The following YWHAZ variants were observed in gnomAD, a reference collection of about 807,000 sequenced individuals.
YWHAZ encodes the protein 14-3-3 protein zeta/delta.
For missense variants in YWHAZ, 79 were observed against 284.8 expected (o/e 0.28, Z 5.20); for synonymous variants, 87 against 103.6 (o/e 0.84, Z 0.97).
At chr8:100,921,625 G>A (rs1344542589) in intron 5 of YWHAZ, among the ~76,000 whole-genome samples, 2 of 152,180 alleles carry the variant, frequency 1.3e-5, no homozygotes, top group Non-Finnish European at 2.9e-5. Flanking sequence ...TCAGGTTGGT[G>A]CAAAAGTAAT....
rs532715410 is a variant in YWHAZ at position 100,950,661 on chromosome 8, G to C, written c.-12+1268C>G. On this transcript the variant is annotated intron_variant, in intron 1 of 5. Transcript: ENST00000395958. ...CCCGCGCCCCCGCCCAAGCCGTGGGGGGGGGGGAGAGATGGGGAGCGAAGC... is the reference window on the plus strand; with the variant it reads ...CCCGCGCCCCCGCCCAAGCCGTGGGCGGGGGGGAGAGATGGGGAGCGAAGC... 74 of 914,862 alleles carry C rather than the reference G, an allele frequency of 8.1e-5. 1 individual carries two copies. Among genetic ancestry groups the C allele is most frequent in the South Asian group, 2.5e-4 (5 of 19,790 alleles). The allele number at this position is 914,862 out of a possible 1,614,324, so 56.7% of individuals were successfully genotyped here. A position where few individuals can be genotyped will look rare whatever the true frequency, so the allele number is the denominator to read the frequency against.
At chr8:100,930,782 C>T (rs1165528631) in intron 2 of YWHAZ, among the ~76,000 whole-genome samples, 1 of 152,132 alleles carries the variant, frequency 6.6e-6, no homozygotes, top group Non-Finnish European at 1.5e-5. Flanking sequence ...TCATGACAGC[C>T]ACTGTCTTTT....
intron 2 of YWHAZ, among the ~76,000 whole-genome samples, chr8:100,940,606 C>A (rs1466875564): frequency 1.3e-5 from 2 of 152,084 alleles, no homozygotes; most frequent in Non-Finnish European, 2.9e-5. Flanking sequence ...TAAATTTAAT[C>A]CAAAATTTAT....
intron 2 of YWHAZ, among the ~76,000 whole-genome samples, chr8:100,944,351 GACCCATA>G (rs1460645957): frequency 1.3e-5 from 2 of 152,096 alleles, no homozygotes; most frequent in East Asian, 3.8e-4. Context: ...AAAAATCAGT[GACCCATA>G]ACCACAACTT....
chr8:100,952,222 A>C, upstream of YWHAZ: 3 of 925,968 alleles, frequency 3.2e-6, no homozygotes, highest in Non-Finnish European at 2.6e-6. Flanking sequence ...CTGGAGGGCG[A>C]GCGGAGGCGC....
At chr8:100,952,143 G>C (rs1020947197), upstream of YWHAZ, 9 of 985,522 alleles carry the variant, frequency 9.1e-6, no homozygotes, top group African/African-American at 1.4e-4. Flanking sequence ...GGCAACCGTT[G>C]ATTGGTGCCC....
At chr8:100,951,207 G>T in intron 1 of YWHAZ, 2 of 984,294 alleles carry the variant, frequency 2.0e-6, no homozygotes, top group Non-Finnish European at 2.4e-6. Context: ...CTCCCCTCCC[G>T]CCGGCGCGCA....
intron 2 of YWHAZ, among the ~76,000 whole-genome samples, chr8:100,928,210 G>A (rs535682327): frequency 6.6e-6 from 1 of 152,148 alleles, no homozygotes; most frequent in African/African-American, 2.4e-5. Context: ...AACCCGGGAG[G>A]CGGAGCTTGC....
chr8:100,936,403 A>G (rs568778918), intron 2 of YWHAZ, among the ~76,000 whole-genome samples: 106 of 152,332 alleles, frequency 7.0e-4, no homozygotes, highest in Non-Finnish European at 1.2e-3. Context: ...CTATCTAAAT[A>G]TAATTGGTTA....
At chr8:100,943,650 G>C (rs1359485471) in intron 2 of YWHAZ, among the ~76,000 whole-genome samples, 2 of 151,972 alleles carry the variant, frequency 1.3e-5, no homozygotes, top group African/African-American at 4.8e-5. Flanking sequence ...TATGTCATTG[G>C]GTGTGGCACT....
rs916703977 is a variant in YWHAZ, at chr8:100,922,975, C to T, written c.678+980G>A. On this transcript the variant is annotated intron_variant, in intron 5 of 5. Transcript: ENST00000395958. The surrounding 1 kb of genome is among the most constrained non-coding windows in gnomAD (Gnocchi z 4.1). ...TATCAGAAAAGTTTATAGATAGCTCCAAATTGTGCTAATAAAGTAATTTTA... is the reference window on the plus strand; with the variant it reads ...TATCAGAAAAGTTTATAGATAGCTCTAAATTGTGCTAATAAAGTAATTTTA... 8 of 152,206 alleles carry T rather than the reference C, an allele frequency of 5.3e-5. No individual in the cohort carries two copies. Among genetic ancestry groups the T allele is most frequent in the Non-Finnish European group, 1.2e-4 (8 of 67,992 alleles). 9.4% of individuals were successfully genotyped at this position (152,206 alleles called of 1,614,324 possible). A position where few individuals can be genotyped will look rare whatever the true frequency, so the allele number is the denominator to read the frequency against.
At chr8:100,920,861 T>TA in intron 5 of YWHAZ, 109 bp from the exon 6 acceptor site, 1 of 901,944 alleles carries the variant, frequency 1.1e-6, no homozygotes, top group Non-Finnish European at 1.8e-6. Context: ...AAAGCATTCT[T>TA]AAAAAGATAG....
chr8:100,925,072 T>C, intron 2 of YWHAZ, 33 bp from the exon 3 acceptor site: 1 of 1,575,730 alleles, frequency 6.3e-7, no homozygotes, highest in Non-Finnish European at 8.6e-7. Context: ...ATAGTGAGAA[T>C]AAAACATTTA....
chr8:100,951,564 T>G (rs1810785507), intron 1 of YWHAZ: 8 of 984,868 alleles, frequency 8.1e-6, no homozygotes, highest in Non-Finnish European at 9.6e-6. Flanking sequence ...AGGGTGGGGA[T>G]GGATCGCGGC....
At chr8:100,940,528 G>C (rs1809755756) in intron 2 of YWHAZ, among the ~76,000 whole-genome samples, 1 of 152,104 alleles carries the variant, frequency 6.6e-6, no homozygotes, top group Non-Finnish European at 1.5e-5. Context: ...TTTTGTAATA[G>C]CCCAGGGCTT....
In YWHAZ at chr8:100,948,299, C is replaced by A. The variant is rs1452621547; in HGVS notation, c.294+297G>T. Reference sequence around the variant, plus strand: ...ATAGAGCTACTACAAATATTCTAACCATAAGTAAAACAGTAACACAATTAG... The same window carrying A: ...ATAGAGCTACTACAAATATTCTAACAATAAGTAAAACAGTAACACAATTAG... On this transcript the variant is annotated intron_variant, in intron 2 of 5. Transcript: ENST00000395958. The surrounding 1 kb of genome is among the most constrained non-coding windows in gnomAD (Gnocchi z 4.2). 16 of 653,530 alleles carry A rather than the reference C, an allele frequency of 2.4e-5. No individual in the cohort carries two copies. The highest frequency in any genetic ancestry group is 3.9e-5 in the Non-Finnish European group (16 of 407,150). 40.5% of individuals were successfully genotyped at this position (653,530 alleles called of 1,614,324 possible).
At chr8:100,944,264 A>T (rs1810099924) in intron 2 of YWHAZ, among the ~76,000 whole-genome samples, 3 of 152,178 alleles carry the variant, frequency 2.0e-5, no homozygotes, top group Non-Finnish European at 4.4e-5. Flanking sequence ...GCACGTAATA[A>T]TATATTCAGA....
intron 2 of YWHAZ, among the ~76,000 whole-genome samples, chr8:100,932,539 T>C (rs1824860034): frequency 1.3e-5 from 2 of 152,164 alleles, no homozygotes; most frequent in Admixed American, 1.3e-4. Context: ...AAGATCATGG[T>C]GGTAGTAATT....
intron 1 of YWHAZ, chr8:100,950,542 TCTC>T (rs1329932455): frequency 3.8e-5 from 37 of 985,186 alleles, no homozygotes; most frequent in Non-Finnish European, 4.3e-5. Context: ...AGTCCCCGAC[TCTC>T]CTCCTTTGTC....
Sources: allele counts gnomAD v4.1 joint callset (sites outside exome capture counted in the v4.1 genomes callset), GRCh38; gene constraint gnomAD v4.1.1; non-coding constraint Gnocchi (gnomAD v3.1); transcripts MANE v1.5; gene names NCBI Gene and HGNC (gene_info 2026-07-23, HGNC 2026-07-21).